The following KCNQ1 variants were observed in gnomAD, a reference collection of about 807,000 sequenced individuals.
KCNQ1 encodes the protein potassium voltage-gated channel subfamily KQT member 1.
KCNQ1 carries 49 observed loss-of-function variants against 72.4 expected under a neutral mutation model. That is an observed-to-expected ratio of 0.68 (90% CI 0.54 to 0.86). KCNQ1 has a LOEUF of 0.86. Among genes scored for constraint, KCNQ1 ranks in the 40% least tolerant of loss-of-function variants. KCNQ1 has a pLI of 0.00. For synonymous variants in KCNQ1, 450 were observed against 412.6 expected (o/e 1.09, Z -1.10); for missense variants, 790 against 945.1 (o/e 0.84, Z 2.15).
chr11:2,729,646 G>A (rs1405948439), intron 11 of KCNQ1, among the ~76,000 whole-genome samples: 3 of 152,186 alleles, frequency 2.0e-5, no homozygotes, highest in South Asian at 2.1e-4. Context: ...AGTGGGTCAC[G>A]CAGCATTTGT....
chr11:2,799,714 C>G (rs1847219719), intron 15 of KCNQ1, among the ~76,000 whole-genome samples: 1 of 152,138 alleles, frequency 6.6e-6, no homozygotes, highest in African/African-American at 2.4e-5. Context: ...CAAATACCCT[C>G]CTCTGCATTT....
intron 15 of KCNQ1, among the ~76,000 whole-genome samples, chr11:2,821,460 G>A (rs1847736031): frequency 6.6e-6 from 1 of 152,178 alleles, no homozygotes; most frequent in African/African-American, 2.4e-5. Context: ...GGGAGTCTGG[G>A]GACCCATGAG....
chr11:2,560,662 C>T (rs932912975), intron 2 of KCNQ1, among the ~76,000 whole-genome samples: 13 of 152,060 alleles, frequency 8.5e-5, no homozygotes, highest in African/African-American at 3.1e-4. Context: ...ACCCCAAGTA[C>T]AGCACCCACA....
Position 2,642,122 on chromosome 11 carries a change from C to A in KCNQ1, c.1394-19839C>A, listed in dbSNP as rs1410409926. On this transcript the variant is annotated intron_variant, in intron 10 of 15. Transcript: ENST00000155840. This position sits in a 1 kb window ranked among gnomAD's most constrained non-coding sequence, Gnocchi z 4.3. Reference sequence around the variant, plus strand: ...TATTCCAGCTCTTTTTTGGTTCCATCTGAATTTTAGGATTTTTTCTATTTC... The same window carrying A: ...TATTCCAGCTCTTTTTTGGTTCCATATGAATTTTAGGATTTTTTCTATTTC... 5.0e-6 allele frequency: 2 copies of A among 398,252 alleles called. No homozygotes were observed. Among genetic ancestry groups the A allele is most frequent in the African/African-American group, 4.1e-5 (2 of 48,706 alleles). 24.7% of individuals were successfully genotyped at this position (398,252 alleles called of 1,614,324 possible). A position where few individuals can be genotyped will look rare whatever the true frequency, so the allele number is the denominator to read the frequency against.
At position 2,767,148 on chromosome 11, in the gene KCNQ1, T is replaced by C. The variant is rs1846513598; in HGVS notation, c.1515-1696T>C. ...GTGCCACTGCACTCCAGCCTGGCAA[T>C]AGAGCGAGACTCCATCTATATGTGT... On this transcript the variant is annotated intron_variant, in intron 11 of 15. Transcript: ENST00000155840. This position sits in a 1 kb window ranked among gnomAD's most constrained non-coding sequence, Gnocchi z 4.6. 6.6e-6 allele frequency among the ~76,000 whole-genome samples: 1 copy of C among 151,576 alleles called. No individual in the cohort carries two copies. The highest frequency in any genetic ancestry group is 1.5e-5 in the Non-Finnish European group (1 of 67,936).
intron 11 of KCNQ1, chr11:2,675,785 C>T (rs1850282833): frequency 5.0e-6 from 2 of 398,610 alleles, no homozygotes; most frequent in Admixed American, 8.8e-5. Context: ...GGAGCTGCTG[C>T]CCGCAGGGCA....
chr11:2,512,112 A>C (rs959829895), intron 1 of KCNQ1, among the ~76,000 whole-genome samples: 1 of 152,162 alleles, frequency 6.6e-6, no homozygotes, highest in Non-Finnish European at 1.5e-5. Flanking sequence ...CCCAAATGCC[A>C]GGGCTTCCCA....
intron 15 of KCNQ1, among the ~76,000 whole-genome samples, chr11:2,837,962 T>C (rs1209486503): frequency 2.0e-5 from 3 of 152,184 alleles, no homozygotes; most frequent in African/African-American, 7.2e-5. Flanking sequence ...GTGCCGGTGC[T>C]TTCTCTGTCT....
intron 10 of KCNQ1, among the ~76,000 whole-genome samples, chr11:2,591,723 G>C (rs115752767): frequency 6.6e-6 from 1 of 152,252 alleles, no homozygotes; most frequent in Non-Finnish European, 1.5e-5. Flanking sequence ...GGGCAAGTGC[G>C]GAGAAAGTCA....
chr11:2,685,811 G>A (rs1850478471), intron 11 of KCNQ1: 2 of 398,546 alleles, frequency 5.0e-6, no homozygotes, highest in South Asian at 2.5e-4. Flanking sequence ...CTGAGAATGC[G>A]ATTCCTACTA....
chr11:2,714,542 A>G (rs1009399898), intron 11 of KCNQ1, among the ~76,000 whole-genome samples: 3 of 151,838 alleles, frequency 2.0e-5, no homozygotes, highest in African/African-American at 7.3e-5. Flanking sequence ...CTCTAGATAG[A>G]TGGAGGAGCT....
In KCNQ1 at chr11:2,673,472, A is replaced by G. The variant is rs528269819; in HGVS notation, c.1514+11391A>G. On this transcript the variant is annotated intron_variant, in intron 11 of 15. Coordinates refer to ENST00000155840, the MANE Select transcript of KCNQ1 (RefSeq NM_000218.3). This position sits in a 1 kb window ranked among gnomAD's most constrained non-coding sequence, Gnocchi z 4.5. ...CCTCCTTGAGCCGGAACACCTGAAA[A>G]GCCATACAGACTCCTGCTCATCACA... 3.5e-3 allele frequency: 1,392 copies of G among 398,620 alleles called. 9 individuals are homozygous for G. Among genetic ancestry groups the G allele is most frequent in the Middle Eastern group, 5.7e-3 (9 of 1,586 alleles). The allele number at this position is 398,620 out of a possible 1,614,324, so 24.7% of individuals were successfully genotyped here. A position where few individuals can be genotyped will look rare whatever the true frequency, so the allele number is the denominator to read the frequency against.
At chr11:2,511,254 G>C (rs945282046) in intron 1 of KCNQ1, among the ~76,000 whole-genome samples, 1 of 152,170 alleles carries the variant, frequency 6.6e-6, no homozygotes, top group African/African-American at 2.4e-5. Context: ...GGGGAAGGGG[G>C]CAGCCCCTAC....
intron 3 of KCNQ1, 56 bp from the exon 4 acceptor site, chr11:2,571,269 C>G (rs1589957072): frequency 7.0e-7 from 1 of 1,427,608 alleles, no homozygotes; most frequent in Non-Finnish European, 9.9e-7. Context: ...TATGCTCTTC[C>G]CTGGGGCCCT....
intron 11 of KCNQ1, chr11:2,692,222 C>T (rs1395029362): frequency 7.5e-6 from 3 of 398,866 alleles, no homozygotes; most frequent in African/African-American, 2.1e-5. Context: ...GCTTCCTCAC[C>T]ACCTGCCCAT....
chr11:2,480,701 G>A (rs1453882001), intron 1 of KCNQ1, among the ~76,000 whole-genome samples: 2 of 152,240 alleles, frequency 1.3e-5, no homozygotes, highest in Non-Finnish European at 2.9e-5. Context: ...GGCAGCTGAT[G>A]ATGTGAGAGT....
intron 2 of KCNQ1, among the ~76,000 whole-genome samples, chr11:2,539,111 C>T (rs1212055772): frequency 1.3e-5 from 2 of 152,116 alleles, no homozygotes; most frequent in Non-Finnish European, 2.9e-5. Context: ...TGGATGATGT[C>T]CCGTCGGCAG....
At chr11:2,518,662 G>A (rs1057334288) in intron 1 of KCNQ1, among the ~76,000 whole-genome samples, 1 of 152,160 alleles carries the variant, frequency 6.6e-6, no homozygotes, top group African/African-American at 2.4e-5. Context: ...TGGCGGCTCT[G>A]TCTAACGGGG....
At chr11:2,523,843 C>A (rs2283153) in intron 1 of KCNQ1, among the ~76,000 whole-genome samples, 6 of 150,374 alleles carry the variant, frequency 4.0e-5, no homozygotes, top group Admixed American at 1.3e-4. Context: ...CCATGGCCCC[C>A]TTCCCTCCTC....
Sources: gnomAD v4.1 joint callset for allele counts (sites outside exome capture counted in the v4.1 genomes callset) on GRCh38, gnomAD v4.1.1 for gene constraint, Gnocchi (gnomAD v3.1) non-coding constraint, MANE v1.5 for transcripts, NCBI Gene and HGNC (gene_info 2026-07-23, HGNC 2026-07-21) for gene names.